The following TPGS2 variants were observed in gnomAD, a reference collection of about 807,000 sequenced individuals.
TPGS2 encodes the protein polyglutamylase subunit 2.
In TPGS2, 26 loss-of-function variants were observed where a neutral mutation model predicts 31.1. The ratio of observed to expected loss-of-function variants is 0.84; its 90% CI spans 0.61 to 1.16. The LOEUF (loss-of-function observed/expected upper bound fraction) is 1.16. Ranked by LOEUF, TPGS2 falls within the 50% of genes most tolerant of loss-of-function variation. The pLI is 0.00. For synonymous variants in TPGS2, 130 were observed against 136.6 expected (o/e 0.95, Z 0.34); for missense variants, 351 against 363.8 (o/e 0.96, Z 0.29).
chr18:36,787,203 T>G (rs2044154235), intron 6 of TPGS2: 1 of 1,060,054 alleles, frequency 9.4e-7, no homozygotes, highest in Non-Finnish European at 1.2e-6. Flanking sequence ...GGGCCTTGTG[T>G]TCCTCTGTGT....
intron 6 of TPGS2, chr18:36,798,123 G>A (rs982277204): frequency 2.7e-6 from 3 of 1,107,660 alleles, no homozygotes; most frequent in Non-Finnish European, 3.3e-6. Context: ...AGGGGAGTGA[G>A]AATCTGACTT....
intron 3 of TPGS2, among the ~76,000 whole-genome samples, chr18:36,806,728 G>A (rs1213026708): frequency 1.3e-5 from 2 of 151,712 alleles, no homozygotes; most frequent in East Asian, 1.9e-4. Context: ...GCACATGCCT[G>A]TAATCCCAGC....
At chr18:36,824,804 T>G (rs1273476147) in intron 1 of TPGS2, among the ~76,000 whole-genome samples, 1 of 152,256 alleles carries the variant, frequency 6.6e-6, no homozygotes, top group Non-Finnish European at 1.5e-5. Flanking sequence ...TTGGATTGTT[T>G]TGTCACTTTC....
Position 36,805,409 on chromosome 18 carries a change from G to A in TPGS2, c.347C>T (p.Pro116Leu). 1 of 1,613,948 alleles carries A rather than the reference G, an allele frequency of 6.2e-7. No individual in the cohort carries two copies. Among genetic ancestry groups the A allele is most frequent in the African/African-American group, 1.3e-5 (1 of 75,030 alleles). Residue 116 changes from proline (P) to leucine (L), a missense_variant, in exon 4 of 7, where the codon CCC becomes CTC. By Grantham distance (98) the Pro-to-Leu change is moderately conservative (BLOSUM62 -3). Transcript: ENST00000334295. ...QSSMYSLPNA[P>L]TLADLEDDTH... ...ATCGTCCTCCAGGTCTGCCAGAGTG[G>A]GTGCATTAGGAAGTGAATACATGGA...
intron 5 of TPGS2, 100 bp from the exon 6 acceptor site, chr18:36,798,709 C>A: frequency 6.7e-7 from 1 of 1,484,762 alleles, no homozygotes; most frequent in Non-Finnish European, 9.0e-7. Flanking sequence ...AAAAAAATCC[C>A]AACAGAGAGA....
intron 1 of TPGS2, among the ~76,000 whole-genome samples, chr18:36,820,722 G>A (rs1452893645): frequency 1.3e-5 from 2 of 152,176 alleles, no homozygotes; most frequent in Admixed American, 6.5e-5. Context: ...CAAACCTAAT[G>A]CTGTTTTTAT....
intron 6 of TPGS2, chr18:36,787,028 C>T: frequency 8.1e-7 from 1 of 1,234,076 alleles, no homozygotes; most frequent in Non-Finnish European, 1.0e-6. Context: ...GGCTCAACAG[C>T]CAGTTTCCAG....
At chr18:36,800,435 T>C in intron 4 of TPGS2, 124 bp from the exon 5 acceptor site, 1 of 758,432 alleles carries the variant, frequency 1.3e-6, no homozygotes. Context: ...TATACTTAAG[T>C]AGTATTTACA....
intron 1 of TPGS2, among the ~76,000 whole-genome samples, chr18:36,823,539 C>A (rs2045994998): frequency 6.8e-6 from 1 of 146,374 alleles, no homozygotes; most frequent in Admixed American, 7.0e-5. Flanking sequence ...CGGCTCACTG[C>A]AAGCTCCGCC....
At chr18:36,782,964 C>A (rs79798748), downstream of TPGS2, 2,437 of 397,140 alleles carry the variant, frequency 6.1e-3, 50 homozygotes, top group African/African-American at 0.045. Flanking sequence ...GACAGACATG[C>A]TGGGACAGAG....
chr18:36,811,127 G>A (rs925233699), intron 2 of TPGS2, among the ~76,000 whole-genome samples: 1 of 152,224 alleles, frequency 6.6e-6, no homozygotes, highest in African/African-American at 2.4e-5. Context: ...CAAGGAGCAT[G>A]AGAACATTGC....
chr18:36,816,511 C>T (rs141888863), intron 2 of TPGS2, among the ~76,000 whole-genome samples: 107 of 152,306 alleles, frequency 7.0e-4, no homozygotes, highest in African/African-American at 2.4e-3. Context: ...AGTGTTCCAC[C>T]CTAGACAAGG....
At chr18:36,819,190 CCA>C (rs2045791118) in intron 1 of TPGS2, among the ~76,000 whole-genome samples, 1 of 152,282 alleles carries the variant, frequency 6.6e-6, no homozygotes, top group East Asian at 1.9e-4. Context: ...GAAAGGATAT[CCA>C]CAGACTGTGC....
intron 6 of TPGS2, among the ~76,000 whole-genome samples, chr18:36,784,430 T>C (rs2044084342): frequency 6.6e-6 from 1 of 152,220 alleles, no homozygotes; most frequent in African/African-American, 2.4e-5. Flanking sequence ...AAATCAGAAA[T>C]CATTTTATCA....
chr18:36,796,476 G>T lies in TPGS2; in HGVS notation c.*329C>A. 1 of 1,082,800 alleles carries T rather than the reference G, an allele frequency of 9.2e-7. No homozygotes were observed. Among genetic ancestry groups the T allele is most frequent in the Non-Finnish European group, 1.1e-6 (1 of 894,546 alleles). 67.1% of individuals were successfully genotyped at this position (1,082,800 alleles called of 1,614,324 possible). Reference sequence around the variant, plus strand: ...TCTAATGCTTCATGGGTCAAAACCAGTGGTTTCTTTGGGGGACCTCTCTAA... The same window carrying T: ...TCTAATGCTTCATGGGTCAAAACCATTGGTTTCTTTGGGGGACCTCTCTAA... On this transcript the variant is annotated 3_prime_UTR_variant, in exon 7 of 7. Coordinates refer to ENST00000334295, the MANE Select transcript of TPGS2 (RefSeq NM_015476.4).
At chr18:36,807,742 T>A (rs2045226632) in intron 3 of TPGS2, 105 bp downstream of exon 3, 2 of 1,043,236 alleles carry the variant, frequency 1.9e-6, no homozygotes, top group Non-Finnish European at 2.8e-6. Context: ...GGGGCACCCA[T>A]GAAAACCATC....
intron 2 of TPGS2, among the ~76,000 whole-genome samples, chr18:36,812,510 C>T (rs542199494): frequency 1.6e-3 from 248 of 152,280 alleles, no homozygotes; most frequent in Non-Finnish European, 2.8e-3. Context: ...TGTAGTGTGG[C>T]GTGCTCTCGG....
Position 36,805,501 on chromosome 18 carries a change from C to T in TPGS2, c.255G>A (p.Glu85=). The change falls in exon 4 of 7, where the codon GAG becomes GAA. Residue 85 remains glutamate, a splice_region_variant and synonymous_variant. Coordinates refer to ENST00000334295, the MANE Select transcript of TPGS2 (RefSeq NM_015476.4). ...FHMTWSVKLD[E]HIIPLGSMAI... ...CCATGCTTCCCAGTGGAATGATGTGCTCTAGGGGAACATGCGTTAAGGAGA... is the reference window on the plus strand; with the variant it reads ...CCATGCTTCCCAGTGGAATGATGTGTTCTAGGGGAACATGCGTTAAGGAGA... 1 of 1,614,028 alleles carries T rather than the reference C, an allele frequency of 6.2e-7. No homozygotes were observed. The highest frequency in any genetic ancestry group is 8.5e-7 in the Non-Finnish European group (1 of 1,179,934).
intron 1 of TPGS2, among the ~76,000 whole-genome samples, chr18:36,826,404 CTGTGTG>C (rs34742069): frequency 3.6e-3 from 522 of 146,428 alleles, no homozygotes; most frequent in East Asian, 0.013. Flanking sequence ...GGTGTATAGG[CTGTGTG>C]TGTGTGTGTG....
Sources: allele counts gnomAD v4.1 joint callset (sites outside exome capture counted in the v4.1 genomes callset), GRCh38; gene constraint gnomAD v4.1.1; transcripts MANE v1.5; gene names NCBI Gene and HGNC (gene_info 2026-07-23, HGNC 2026-07-21).